Variants in L3MBTL4 observed in about 807,000 individuals in gnomAD.
The protein encoded by L3MBTL4 is L3MBTL histone methyl-lysine binding protein 4.
L3MBTL4 carries 70 observed loss-of-function variants against 84.5 expected under a neutral mutation model. The ratio of observed to expected loss-of-function variants is 0.83; its 90% CI spans 0.68 to 1.01. The LOEUF is 1.01. Ranked by LOEUF, L3MBTL4 falls within the 50% of genes least tolerant of loss-of-function variation. L3MBTL4 has a pLI of 0.00. For synonymous variants in L3MBTL4, 274 were observed against 259.8 expected (o/e 1.05, Z -0.52); for missense variants, 715 against 754.8 (o/e 0.95, Z 0.62).
chr18:6,047,477 A>G (rs2056672936), intron 16 of L3MBTL4, among the ~76,000 whole-genome samples: 3 of 152,208 alleles, frequency 2.0e-5, no homozygotes, highest in Admixed American at 2.0e-4. Context: ...AATATACCTG[A>G]TAAATATAGA....
chr18:6,270,672 GGAAA>G (rs2048827974), intron 4 of L3MBTL4, among the ~76,000 whole-genome samples: 1 of 152,202 alleles, frequency 6.6e-6, no homozygotes, highest in South Asian at 2.1e-4. Context: ...CCAGGAGAGT[GGAAA>G]GAAAGAGCTG....
intron 15 of L3MBTL4, among the ~76,000 whole-genome samples, chr18:6,087,899 A>ATAAG (rs1265679103): frequency 2.6e-5 from 4 of 152,230 alleles, no homozygotes; most frequent in Non-Finnish European, 4.4e-5. Flanking sequence ...TAAATCTTAT[A>ATAAG]TAAGCCTCAC....
intron 1 of L3MBTL4, among the ~76,000 whole-genome samples, chr18:6,407,382 T>G (rs1302277578): frequency 1.3e-5 from 2 of 151,708 alleles, no homozygotes; most frequent in Non-Finnish European, 2.9e-5. Context: ...ACCTATAGTT[T>G]TAGAAGAGAA....
Position 6,048,925 on chromosome 18 carries a change from T to C in L3MBTL4, c.1444+31956A>G, listed in dbSNP as rs553271112. 1.1e-3 allele frequency among the ~76,000 whole-genome samples: 164 copies of C among 152,206 alleles called. No homozygotes were observed. In the Middle Eastern group the frequency reaches 0.014, roughly 13 times the overall value. The stretch of plus-strand genomic sequence containing the variant: ...TAAAGCTGGGATAGCTGACTAGCCA[T>C]ATGCAGAATGAAACTAGACCACTAC... On this transcript the variant is annotated intron_variant, in intron 16 of 18. Coordinates refer to ENST00000317931, the MANE Select transcript of L3MBTL4 (RefSeq NM_001330559.2).
chr18:5,991,336 G>A (rs1242123479), intron 16 of L3MBTL4, among the ~76,000 whole-genome samples: 1 of 152,084 alleles, frequency 6.6e-6, no homozygotes, highest in Non-Finnish European at 1.5e-5. Flanking sequence ...CATACAGTAG[G>A]GGCTTAATAA....
Position 6,056,237 on chromosome 18 carries a change from T to A in L3MBTL4, c.1444+24644A>T, listed in dbSNP as rs563833819. On this transcript the variant is annotated intron_variant, in intron 16 of 18. Transcript: ENST00000317931. ...GACTGTCATTAAACAAACAAGCATG[T>A]CAGAGACACTGAAATGGCTTTTGCC... 4.6e-5 allele frequency among the ~76,000 whole-genome samples: 7 copies of A among 152,282 alleles called. No individual in the cohort carries two copies. In the East Asian group the frequency reaches 5.8e-4, roughly 13 times the overall value.
intron 12 of L3MBTL4, among the ~76,000 whole-genome samples, chr18:6,200,543 T>C (rs1031084826): frequency 6.6e-6 from 1 of 152,178 alleles, no homozygotes; most frequent in Non-Finnish European, 1.5e-5. Context: ...TTCCAGCCAT[T>C]TATTATCCAT....
At chr18:6,177,702 C>T (rs575042689) in intron 12 of L3MBTL4, among the ~76,000 whole-genome samples, 3 of 152,156 alleles carry the variant, frequency 2.0e-5, no homozygotes, top group Admixed American at 1.3e-4. Flanking sequence ...CTACTGATGG[C>T]GATGTTGCAG....
chr18:6,205,198 G>A (rs755132779), intron 12 of L3MBTL4, among the ~76,000 whole-genome samples: 2 of 152,128 alleles, frequency 1.3e-5, no homozygotes, highest in Admixed American at 6.5e-5. Context: ...CAGAGGCAGA[G>A]GTTTGAAGGT....
At chr18:5,992,379 C>T (rs545061760) in intron 16 of L3MBTL4, among the ~76,000 whole-genome samples, 2 of 152,150 alleles carry the variant, frequency 1.3e-5, no homozygotes, top group Non-Finnish European at 2.9e-5. Context: ...TAGAGTGCCC[C>T]CACACTATCA....
intron 18 of L3MBTL4, among the ~76,000 whole-genome samples, chr18:5,957,580 G>A (rs2095234209): frequency 6.6e-6 from 1 of 152,048 alleles, no homozygotes; most frequent in African/African-American, 2.4e-5. Flanking sequence ...CCAGAACCAA[G>A]AAGGCAGGAA....
At chr18:6,078,428 AAAAAAAAAAAC>A (rs1389344625) in intron 16 of L3MBTL4, among the ~76,000 whole-genome samples, 3 of 109,814 alleles carry the variant, frequency 2.7e-5, no homozygotes, top group African/African-American at 1.3e-4. Context: ...GTCCACCTCA[AAAAAAAAAAAC>A]AAAAAAAAAA....
intron 16 of L3MBTL4, among the ~76,000 whole-genome samples, chr18:5,994,186 C>T (rs2145182591): frequency 6.6e-6 from 1 of 152,336 alleles, no homozygotes; most frequent in East Asian, 1.9e-4. Flanking sequence ...GCGCAGTGAA[C>T]CCCAGACCCA....
intron 14 of L3MBTL4, among the ~76,000 whole-genome samples, chr18:6,131,444 T>G (rs940576527): frequency 2.8e-4 from 43 of 152,204 alleles, no homozygotes; most frequent in African/African-American, 1.0e-3. Context: ...TCTGAGAATC[T>G]TCTGGACTAG....
chr18:6,122,738 C>T (rs535142179), intron 14 of L3MBTL4, among the ~76,000 whole-genome samples: 4 of 152,202 alleles, frequency 2.6e-5, no homozygotes, highest in Admixed American at 2.0e-4. Flanking sequence ...TGGCCAAGGC[C>T]GTATTATCTC....
chr18:6,002,063 C>G (rs758386891), intron 16 of L3MBTL4, among the ~76,000 whole-genome samples: 1 of 152,182 alleles, frequency 6.6e-6, no homozygotes, highest in Non-Finnish European at 1.5e-5. Context: ...AGTGACTCAT[C>G]ATTACAGGAA....
At chr18:6,088,612 A>T (rs2058338233) in intron 15 of L3MBTL4, among the ~76,000 whole-genome samples, 1 of 152,156 alleles carries the variant, frequency 6.6e-6, no homozygotes, top group African/African-American at 2.4e-5. Flanking sequence ...GAATTGAGAG[A>T]AAGTGAAATT....
At chr18:6,271,489 G>T (rs2048866462) in intron 4 of L3MBTL4, among the ~76,000 whole-genome samples, 1 of 152,210 alleles carries the variant, frequency 6.6e-6, no homozygotes, top group Non-Finnish European at 1.5e-5. Flanking sequence ...GAAGCTGCCG[G>T]GCACCAGGCA....
intron 1 of L3MBTL4, among the ~76,000 whole-genome samples, chr18:6,378,269 G>T (rs1375354910): frequency 6.6e-6 from 1 of 152,260 alleles, no homozygotes; most frequent in Middle Eastern, 3.4e-3. Context: ...TCTGTAGGTT[G>T]CCTGTTCATT....
Sources: gnomAD v4.1 joint callset for allele counts (sites outside exome capture counted in the v4.1 genomes callset) on GRCh38, gnomAD v4.1.1 for gene constraint, MANE v1.5 for transcripts, NCBI Gene and HGNC (gene_info 2026-07-23, HGNC 2026-07-21) for gene names.